FPR3: variants seen among roughly 807,000 people sequenced by gnomAD.
FPR3 encodes the protein N-formyl peptide receptor 3.
For missense variants in FPR3, 346 were observed against 443.2 expected, an observed-to-expected ratio of 0.78 and a Z score of 1.97; for synonymous variants, 135 against 163.6, an observed-to-expected ratio of 0.83 and a Z score of 1.34.
intron 1 of FPR3, among the ~76,000 whole-genome samples, chr19:51,796,495 G>A (rs767593773): frequency 2.0e-4 from 30 of 152,218 alleles, no homozygotes; most frequent in Admixed American, 1.4e-3. Flanking sequence ...CTGGAGAATG[G>A]ATCTTAGGGG....
intron 1 of FPR3, among the ~76,000 whole-genome samples, chr19:51,800,112 C>T (rs1314000411): frequency 6.6e-6 from 1 of 152,202 alleles, no homozygotes; most frequent in Non-Finnish European, 1.5e-5. Flanking sequence ...GTCCAGTCGC[C>T]TAACTCTAAC....
At chr19:51,804,042 T>C (rs1053669921) in intron 1 of FPR3, 9 of 152,214 alleles carry the variant, frequency 5.9e-5, no homozygotes, top group Admixed American at 2.6e-4. Flanking sequence ...AAGAAGAGTG[T>C]AAAGGGATCT....
chr19:51,802,331 G>A (rs1047158477), intron 1 of FPR3, among the ~76,000 whole-genome samples: 1 of 152,162 alleles, frequency 6.6e-6, no homozygotes, highest in African/African-American at 2.4e-5. Flanking sequence ...CTCCTGCAGA[G>A]GTAGAGGTAC....
intron 1 of FPR3, chr19:51,817,898 C>A (rs1243202517): frequency 6.6e-6 from 1 of 152,150 alleles, no homozygotes; most frequent in East Asian, 1.9e-4. Context: ...ACAGACATTT[C>A]CTAAACTCTG....
chr19:51,805,723 G>A (rs548419860), intron 1 of FPR3, among the ~76,000 whole-genome samples: 34 of 152,280 alleles, frequency 2.2e-4, no homozygotes, highest in African/African-American at 7.7e-4. Flanking sequence ...TCTACGTACT[G>A]AGCCGTTTGA....
At chr19:51,811,478 G>A (rs2084095940) in intron 1 of FPR3, 1 of 152,174 alleles carries the variant, frequency 6.6e-6, no homozygotes. Context: ...CTGACCTCAT[G>A]TGCGCTGCCA....
At position 51,807,591 on chromosome 19, in the gene FPR3, T is replaced by C. The variant is rs201003466; in HGVS notation, c.-11+12260T>C. ...AGATCCTTATTGTTTGAGTATGTTT[T>C]AGTCCATAGATGGCAGCATGACCTT... On this transcript the variant is annotated intron_variant, in intron 1 of 1. Transcript: ENST00000339223. Among the ~76,000 whole-genome samples, 4 of 152,342 alleles carry C rather than the reference T, an allele frequency of 2.6e-5. No homozygotes were observed. The East Asian group carries it at 5.8e-4, about 22-fold the overall frequency.
chr19:51,804,129 G>T (rs1009381631), intron 1 of FPR3: 1 of 152,106 alleles, frequency 6.6e-6, no homozygotes, highest in African/African-American at 2.4e-5. Flanking sequence ...TCACTGCAGT[G>T]AATGCTTATA....
chr19:51,821,432 AG>A (rs1415361749), intron 1 of FPR3, among the ~76,000 whole-genome samples: 1 of 152,134 alleles, frequency 6.6e-6, no homozygotes, highest in Non-Finnish European at 1.5e-5. Flanking sequence ...GATAGAGGCC[AG>A]GGGTGTTGCT....
At chr19:51,813,153 CACACACA>C (rs2084109643) in intron 1 of FPR3, among the ~76,000 whole-genome samples, 7 of 151,342 alleles carry the variant, frequency 4.6e-5, no homozygotes, top group Admixed American at 1.3e-4. Context: ...CACACACACA[CACACACA>C]CCCCATAAAT....
At chr19:51,797,877 CTTTTT>C (rs753127261) in intron 1 of FPR3, among the ~76,000 whole-genome samples, 21 of 71,518 alleles carry the variant, frequency 2.9e-4, no homozygotes, top group African/African-American at 9.3e-4. Flanking sequence ...CATGTCTATT[CTTTTT>C]TTTTTTTTTT....
At chr19:51,813,686 AC>A (rs2084114289) in intron 1 of FPR3, among the ~76,000 whole-genome samples, 1 of 151,938 alleles carries the variant, frequency 6.6e-6, no homozygotes, top group South Asian at 2.1e-4. Context: ...GCCTGCCACC[AC>A]GCCCAGCTAA....
intron 1 of FPR3, among the ~76,000 whole-genome samples, chr19:51,815,981 C>A (rs1289955828): frequency 1.3e-5 from 2 of 151,788 alleles, no homozygotes; most frequent in Non-Finnish European, 2.9e-5. Flanking sequence ...GTGGGAGGAT[C>A]ACTTGAGCCC....
At chr19:51,797,664 T>A (rs1216550702) in intron 1 of FPR3, among the ~76,000 whole-genome samples, 1 of 151,490 alleles carries the variant, frequency 6.6e-6, no homozygotes, top group East Asian at 1.9e-4. Context: ...ATGAGAGGAG[T>A]TGTGAGGGTT....
chr19:51,798,818 T>G (rs893577639), intron 1 of FPR3, among the ~76,000 whole-genome samples: 1 of 152,208 alleles, frequency 6.6e-6, no homozygotes, highest in Non-Finnish European at 1.5e-5. Context: ...GGTGGGAAGA[T>G]TCTCAGATTT....
chr19:51,814,075 T>C (rs2084116698), intron 1 of FPR3, among the ~76,000 whole-genome samples: 1 of 152,246 alleles, frequency 6.6e-6, no homozygotes, highest in East Asian at 1.9e-4. Context: ...CTTTTTGTAA[T>C]AGTAAATTCC....
chr19:51,801,893 T>C (rs986921252), intron 1 of FPR3, among the ~76,000 whole-genome samples: 3 of 152,228 alleles, frequency 2.0e-5, no homozygotes, highest in Admixed American at 6.5e-5. Context: ...TAGACCTCAC[T>C]TTATCTGTAG....
chr19:51,825,021 C>G lies in FPR3; in HGVS notation c.*211C>G, dbSNP rs1376830362. 3.7e-6 allele frequency: 2 copies of G among 539,772 alleles called. No homozygotes were observed. The highest frequency in any genetic ancestry group is 3.8e-5 in the African/African-American group (2 of 52,352). 33.4% of individuals were successfully genotyped at this position (539,772 alleles called of 1,614,324 possible). ...ACAATTAAATTCCAACACTATCTAC[C>G]TGGAGCTACTGTCAGATCCCACAGG... On this transcript the variant is annotated 3_prime_UTR_variant, in exon 2 of 2. Coordinates refer to ENST00000339223, the MANE Select transcript of FPR3 (RefSeq NM_002030.5).
At chr19:51,795,514 T>C (rs2083992298) in intron 1 of FPR3, among the ~76,000 whole-genome samples, 183 bp downstream of exon 1, 1 of 116,636 alleles carries the variant, frequency 8.6e-6, no homozygotes, top group South Asian at 3.5e-4. Context: ...CTTTTTTTTT[T>C]TTTTTTTTTT....
Sources: allele counts gnomAD v4.1 joint callset (sites outside exome capture counted in the v4.1 genomes callset), GRCh38; gene constraint gnomAD v4.1.1; transcripts MANE v1.5; gene names NCBI Gene and HGNC (gene_info 2026-07-23, HGNC 2026-07-21).